The following RPTOR variants were observed in gnomAD, a reference collection of about 807,000 sequenced individuals.
The protein encoded by RPTOR is regulatory-associated protein of mTOR.
A neutral mutation model predicts 169.9 loss-of-function variants in RPTOR; 21 were observed. The ratio of observed to expected loss-of-function variants is 0.12; its 90% CI spans 0.09 to 0.18. RPTOR has a LOEUF of 0.18. RPTOR is among the 10% of genes least tolerant of loss of function. The probability of loss-of-function intolerance (pLI) is 1.00; values close to 1 mark genes in which losing one functional copy is unlikely to be tolerated. For missense variants in RPTOR, 1,133 were observed against 1,855.9 expected, an observed-to-expected ratio of 0.61 and a Z score of 7.16; for synonymous variants, 732 against 753.2, an observed-to-expected ratio of 0.97 and a Z score of 0.46.
intron 12 of RPTOR, among the ~76,000 whole-genome samples, chr17:80,857,336 G>A (rs190373305): frequency 5.9e-5 from 9 of 152,200 alleles, no homozygotes; most frequent in East Asian, 1.9e-4. Context: ...CAAGCTGGCC[G>A]TGCCGTCACG....
rs78032009 is a variant in RPTOR, at chr17:80,685,932, G to C, written c.349-21909G>C. 2.2e-3 allele frequency among the ~76,000 whole-genome samples: 332 copies of C among 151,918 alleles called. 1 individual carries two copies. Among genetic ancestry groups the C allele is most frequent in the African/African-American group, 7.5e-3 (311 of 41,444 alleles). The stretch of plus-strand genomic sequence containing the variant: ...ACTTTCCAGTCCTCAGAGCTCTTCT[G>C]ACAGTGTTGGTGGCCTCTGCAGAGG... On this transcript the variant is annotated intron_variant, in intron 3 of 33. Transcript: ENST00000306801.
chr17:80,917,116 A>AT (rs35518986), intron 21 of RPTOR, among the ~76,000 whole-genome samples: 70,137 of 144,798 alleles, frequency 0.48, 17,393 homozygotes, highest in Non-Finnish European at 0.54. Context: ...GATAGGTTTC[A>AT]TTTTTTTTTT....
At chr17:80,606,901 G>A (rs2065233395) in intron 1 of RPTOR, among the ~76,000 whole-genome samples, 1 of 152,112 alleles carries the variant, frequency 6.6e-6, no homozygotes, top group African/African-American at 2.4e-5. Flanking sequence ...GCAATGAATC[G>A]GGCCATTCCC....
In RPTOR at chr17:80,922,841, G is replaced by A. The variant is rs763789002; in HGVS notation, c.2624+14G>A. 6.7e-5 allele frequency: 104 copies of A among 1,543,804 alleles called. No individual in the cohort carries two copies. The highest frequency in any genetic ancestry group is 3.3e-4 in the Middle Eastern group (2 of 6,008). ...CCACCAGGCGGGGTAAGTGCCGCCC[G>A]CTCAGCCTGCAGGTCCGTGGTGGTG... is the stretch of plus-strand genomic sequence containing the variant. On this transcript the variant is annotated intron_variant, in intron 22 of 33. Coordinates refer to ENST00000306801, the MANE Select transcript of RPTOR (RefSeq NM_020761.3).
chr17:80,693,699 C>T (rs543863777), intron 3 of RPTOR, among the ~76,000 whole-genome samples: 1 of 152,346 alleles, frequency 6.6e-6, no homozygotes, highest in Admixed American at 6.5e-5. Context: ...CTTATGCCAG[C>T]CCTGGGTGCT....
chr17:80,781,550 T>A lies in RPTOR; in HGVS notation c.831-9900T>A, dbSNP rs1403215990. ...AAAAAGGGCCCCTTCTTGTGGATAT[T>A]TTTAAGAGTACATTTTGCCACGCTG... On this transcript the variant is annotated intron_variant, in intron 6 of 33. Coordinates refer to ENST00000306801, the MANE Select transcript of RPTOR (RefSeq NM_020761.3). 2.0e-5 allele frequency among the ~76,000 whole-genome samples: 3 copies of A among 152,352 alleles called. No homozygotes were observed. The East Asian group carries it at 5.8e-4, about 29-fold the overall frequency.
At chr17:80,832,605 T>C (rs2067518019) in intron 9 of RPTOR, among the ~76,000 whole-genome samples, 1 of 152,132 alleles carries the variant, frequency 6.6e-6, no homozygotes, top group African/African-American at 2.4e-5. Context: ...AGAAACAGAA[T>C]CGTGCTCTCC....
At chr17:80,893,477 G>T (rs1401435953) in intron 19 of RPTOR, among the ~76,000 whole-genome samples, 1 of 86,184 alleles carries the variant, frequency 1.2e-5, no homozygotes, top group Non-Finnish European at 2.4e-5. Context: ...GTGTCTGTAC[G>T]CGCCAGGGTG....
At chr17:80,667,746 C>G (rs1371245295) in intron 3 of RPTOR, among the ~76,000 whole-genome samples, 1 of 152,184 alleles carries the variant, frequency 6.6e-6, no homozygotes, top group African/African-American at 2.4e-5. Flanking sequence ...TTGCTTGATA[C>G]TAACTGCAGT....
chr17:80,723,979 A>G (rs2066308694), intron 4 of RPTOR, among the ~76,000 whole-genome samples: 1 of 151,428 alleles, frequency 6.6e-6, no homozygotes, highest in South Asian at 2.1e-4. Context: ...AGAAAGAACA[A>G]GGCTAAGCAG....
chr17:80,958,247 C>T (rs1175861395), intron 29 of RPTOR, among the ~76,000 whole-genome samples: 6 of 148,780 alleles, frequency 4.0e-5, no homozygotes, highest in Admixed American at 6.7e-5. Flanking sequence ...TGCACCCACA[C>T]GCCTGGCTAA....
chr17:80,862,796 G>A (rs544852020), intron 13 of RPTOR, among the ~76,000 whole-genome samples: 2 of 151,906 alleles, frequency 1.3e-5, no homozygotes, highest in African/African-American at 2.4e-5. Context: ...TGTGCAGATC[G>A]GGGTGCACAT....
chr17:80,880,897 G>GCAC (rs1567964943), intron 14 of RPTOR, among the ~76,000 whole-genome samples: 2 of 152,152 alleles, frequency 1.3e-5, no homozygotes, highest in South Asian at 4.1e-4. Context: ...AGATATCGAA[G>GCAC]CACCCCATTT....
rs2067732956 is a variant in RPTOR, at chr17:80,846,563, A to G, written c.1303A>G (p.Ile435Val). The part of the protein sequence containing the change: ...ENRNPPEQLP[I>V]VLQVLLSQVH... Reference sequence around the variant, plus strand: ...CCGAAACCCACCCGAACAGCTGCCCATCGTCCTGCAGGTGAGTTTCTTCAG... The same window carrying G: ...CCGAAACCCACCCGAACAGCTGCCCGTCGTCCTGCAGGTGAGTTTCTTCAG... The change falls in exon 11 of 34, where the codon ATC becomes GTC. Residue 435 changes from isoleucine to valine, a missense_variant. Physicochemically the swap from Ile to Val is conservative, Grantham distance 29. Around this residue, in one of 9 missense-constraint regions of RPTOR, gnomAD observed 289 missense variants for 585.8 expected, o/e 0.49. Transcript: ENST00000306801. 6.2e-7 allele frequency: 1 copy of G among 1,614,140 alleles called. No homozygotes were observed. The highest frequency in any genetic ancestry group is 8.5e-7 in the Non-Finnish European group (1 of 1,179,972).
chr17:80,691,675 T>G (rs1380579306), intron 3 of RPTOR, among the ~76,000 whole-genome samples: 1 of 152,182 alleles, frequency 6.6e-6, no homozygotes, highest in African/African-American at 2.4e-5. Context: ...GTACTTCTTC[T>G]ACCCTAGGCC....
intron 4 of RPTOR, among the ~76,000 whole-genome samples, chr17:80,713,191 C>A (rs1454303108): frequency 6.6e-6 from 1 of 152,106 alleles, no homozygotes; most frequent in Admixed American, 6.5e-5. Flanking sequence ...GCCTCAACCC[C>A]CGAAGTAGCA....
intron 24 of RPTOR, among the ~76,000 whole-genome samples, chr17:80,939,258 G>A (rs966896365): frequency 3.9e-5 from 6 of 152,136 alleles, no homozygotes; most frequent in Non-Finnish European, 5.9e-5. Context: ...ATCCTCCCGC[G>A]GAAAGTCAAT....
intron 3 of RPTOR, among the ~76,000 whole-genome samples, chr17:80,669,860 A>AT (rs955307550): frequency 4.6e-5 from 7 of 151,664 alleles, no homozygotes; most frequent in East Asian, 1.9e-4. Context: ...CAAATAATTC[A>AT]TTTTTTTTGT....
Position 80,959,954 on chromosome 17 carries a change from C to T in RPTOR, c.3478-124C>T. On this transcript the variant is annotated intron_variant, in intron 29 of 33. Transcript: ENST00000306801. This position sits in a 1 kb window ranked among gnomAD's most constrained non-coding sequence, Gnocchi z 6.7. ...CTTCCCTGGATAGAGAGAAAGGCCC[C>T]TGCAGCCAGGGAGGGTGATCCCCAC... The T allele has an allele frequency of 3.3e-6, 4 of 1,227,300 alleles. No homozygotes were observed. Among genetic ancestry groups the T allele is most frequent in the Non-Finnish European group, 4.6e-6 (4 of 868,274 alleles). The allele number at this position is 1,227,300 out of a possible 1,614,324, so 76.0% of individuals were successfully genotyped here.
Sources: gnomAD v4.1 joint callset for allele counts (sites outside exome capture counted in the v4.1 genomes callset) on GRCh38, gnomAD v4.1.1 for gene constraint, gnomAD v4.1.1 regional missense constraint, Gnocchi (gnomAD v3.1) non-coding constraint, MANE v1.5 for transcripts, NCBI Gene and HGNC (gene_info 2026-07-23, HGNC 2026-07-21) for gene names.